TRAPPC9: variants seen among roughly 807,000 people sequenced by gnomAD.
TRAPPC9 encodes trafficking protein particle complex subunit 9, also known as IKK2 binding protein.
In TRAPPC9, 83 loss-of-function variants were observed where a neutral mutation model predicts 124.0. The observed-to-expected ratio is 0.67, with a 90% CI of 0.56 to 0.80. TRAPPC9 has a LOEUF of 0.80. Among genes scored for constraint, TRAPPC9 ranks in the 30% least tolerant of loss-of-function variants. TRAPPC9 has a pLI of 0.00. For synonymous variants in TRAPPC9, 638 were observed against 617.5 expected, an observed-to-expected ratio of 1.03 and a Z score of -0.49; for missense variants, 1,302 against 1,508.3, an observed-to-expected ratio of 0.86 and a Z score of 2.27.
intron 9 of TRAPPC9, among the ~76,000 whole-genome samples, chr8:140,350,678 C>T (rs548308746): frequency 5.9e-5 from 9 of 152,122 alleles, no homozygotes; most frequent in African/African-American, 7.2e-5. Context: ...TGCAGAAGCG[C>T]ACCGTTCAAG....
intron 19 of TRAPPC9, among the ~76,000 whole-genome samples, chr8:139,979,099 C>G (rs1563659912): frequency 6.6e-6 from 1 of 151,020 alleles, no homozygotes; most frequent in African/African-American, 2.5e-5. Flanking sequence ...CCGTGAGGGT[C>G]AGGTCTGACA....
intron 13 of TRAPPC9, among the ~76,000 whole-genome samples, chr8:140,285,105 A>G (rs1430999026): frequency 6.6e-6 from 1 of 152,198 alleles, no homozygotes; most frequent in African/African-American, 2.4e-5. Context: ...GCACATTACA[A>G]TGTCTGATAA....
At chr8:140,085,816 A>C (rs979107181) in intron 17 of TRAPPC9, among the ~76,000 whole-genome samples, 4 of 152,176 alleles carry the variant, frequency 2.6e-5, no homozygotes, top group Non-Finnish European at 5.9e-5. Context: ...GCCACAGCCT[A>C]TCTCTGTCAA....
chr8:140,262,427 T>C (rs1441058029), intron 15 of TRAPPC9, among the ~76,000 whole-genome samples: 2 of 150,952 alleles, frequency 1.3e-5, no homozygotes, highest in Non-Finnish European at 2.9e-5. Context: ...CACTTTGTCT[T>C]AAGATCAGCT....
In TRAPPC9 at chr8:140,371,043, C is replaced by T; in HGVS notation, c.1272G>A (p.Gly424=). ...GGAGGAGTTTGTAGCAGGCCCTCCA[C>T]CCAGGCTCCGCGATGCTTGGGGCCA... ...QCVAPSIAEP[G]WRACYKLLLE... Residue 424 remains glycine, a synonymous_variant, in exon 8 of 23, where the codon GGG becomes GGA. Transcript: ENST00000438773. 1 of 1,614,266 alleles carries T rather than the reference C, an allele frequency of 6.2e-7. No individual in the cohort carries two copies. The highest frequency in any genetic ancestry group is 8.5e-7 in the Non-Finnish European group (1 of 1,180,054).
At chr8:139,807,080 G>C (rs982441962) in intron 21 of TRAPPC9, among the ~76,000 whole-genome samples, 1 of 152,228 alleles carries the variant, frequency 6.6e-6, no homozygotes, top group Non-Finnish European at 1.5e-5. Context: ...ATAATGCCCT[G>C]CACAGCCTCC....
At chr8:140,152,420 G>C (rs952330755) in intron 17 of TRAPPC9, among the ~76,000 whole-genome samples, 3 of 145,674 alleles carry the variant, frequency 2.1e-5, no homozygotes, top group Admixed American at 6.9e-5. Flanking sequence ...GAGTGCAGTG[G>C]TGCGATCTCA....
chr8:139,793,044 C>A (rs564499882), intron 21 of TRAPPC9, among the ~76,000 whole-genome samples: 1 of 152,148 alleles, frequency 6.6e-6, no homozygotes, highest in Non-Finnish European at 1.5e-5. Flanking sequence ...CACTGAGATG[C>A]GCACCCAGCC....
intron 17 of TRAPPC9, among the ~76,000 whole-genome samples, chr8:140,058,347 C>T (rs933540329): frequency 8.5e-5 from 13 of 152,130 alleles, no homozygotes; most frequent in Non-Finnish European, 1.3e-4. Context: ...AACCCACTGG[C>T]GAAATTTCCT....
intron 18 of TRAPPC9, among the ~76,000 whole-genome samples, chr8:139,998,159 C>A (rs1207135152): frequency 1.3e-5 from 2 of 152,236 alleles, no homozygotes; most frequent in African/African-American, 4.8e-5. Context: ...GAAAGTGAAT[C>A]ATTTTTAAAA....
intron 9 of TRAPPC9, among the ~76,000 whole-genome samples, chr8:140,318,426 A>G (rs1056797037): frequency 6.6e-6 from 1 of 152,134 alleles, no homozygotes; most frequent in South Asian, 2.1e-4. Context: ...ACAGCACTCA[A>G]CTCTTAGCCA....
chr8:140,429,295 T>A (rs1221938120), intron 4 of TRAPPC9, among the ~76,000 whole-genome samples: 1 of 152,112 alleles, frequency 6.6e-6, no homozygotes, highest in Non-Finnish European at 1.5e-5. Context: ...TTTTACCATA[T>A]TGGCCAGGCT....
chr8:140,263,414 A>C (rs2064498587), intron 15 of TRAPPC9, among the ~76,000 whole-genome samples: 1 of 152,196 alleles, frequency 6.6e-6, no homozygotes, highest in African/African-American at 2.4e-5. Flanking sequence ...GGAAGGAAAA[A>C]GGTGGGCAGC....
chr8:139,907,407 C>G lies in TRAPPC9; in HGVS notation c.2964+2740G>C, dbSNP rs1352844826. Among the ~76,000 whole-genome samples the G allele has an allele frequency of 6.6e-6, 1 of 152,014 alleles. No individual in the cohort carries two copies. The highest frequency in any genetic ancestry group is 1.5e-5 in the Non-Finnish European group (1 of 68,012). On this transcript the variant is annotated intron_variant, in intron 20 of 22. Coordinates refer to ENST00000438773, the MANE Select transcript of TRAPPC9 (RefSeq NM_001160372.4). This position sits in a 1 kb window ranked among gnomAD's most constrained non-coding sequence, Gnocchi z 4.7. Reference sequence around the variant, plus strand: ...TTAAAATGCATAATGAAATTATTAGCCAATTCAATCTTTGGTCTTTCCATC... The same window carrying G: ...TTAAAATGCATAATGAAATTATTAGGCAATTCAATCTTTGGTCTTTCCATC...
chr8:140,105,100 C>T (rs1039179117), intron 17 of TRAPPC9, among the ~76,000 whole-genome samples: 1 of 152,186 alleles, frequency 6.6e-6, no homozygotes, highest in Non-Finnish European at 1.5e-5. Flanking sequence ...TCCTCTTCTA[C>T]CCTCCCCCAG....
At chr8:139,853,557 T>C (rs1364603235) in intron 21 of TRAPPC9, among the ~76,000 whole-genome samples, 1 of 152,042 alleles carries the variant, frequency 6.6e-6, no homozygotes, top group Admixed American at 6.5e-5. Flanking sequence ...AGGAAGGAAA[T>C]AATAAATGCA....
chr8:140,226,422 T>C (rs557507241), intron 16 of TRAPPC9, among the ~76,000 whole-genome samples: 1 of 151,774 alleles, frequency 6.6e-6, no homozygotes, highest in Admixed American at 6.6e-5. Flanking sequence ...TGAAACCCCA[T>C]CTCTACTAAA....
At chr8:140,445,377 A>T (rs2071206966) in intron 2 of TRAPPC9, among the ~76,000 whole-genome samples, 1 of 152,212 alleles carries the variant, frequency 6.6e-6, no homozygotes, top group Admixed American at 6.5e-5. Context: ...GGCACAGGTC[A>T]CTTAGGAAAG....
intron 14 of TRAPPC9, among the ~76,000 whole-genome samples, chr8:140,278,425 G>A (rs1304554898): frequency 6.6e-6 from 1 of 152,176 alleles, no homozygotes; most frequent in Non-Finnish European, 1.5e-5. Flanking sequence ...TTTTTATCTT[G>A]CATTATCAGC....
Sources: allele counts gnomAD v4.1 joint callset (sites outside exome capture counted in the v4.1 genomes callset), GRCh38; gene constraint gnomAD v4.1.1; non-coding constraint Gnocchi (gnomAD v3.1); transcripts MANE v1.5; gene names NCBI Gene and HGNC (gene_info 2026-07-23, HGNC 2026-07-21).